Variants in TLE3 observed in about 807,000 individuals in gnomAD.
The protein encoded by TLE3 is transducin-like enhancer protein 3.
TLE3 carries 14 observed loss-of-function variants against 93.0 expected under a neutral mutation model. The observed-to-expected ratio is 0.15, with a 90% CI of 0.10 to 0.24. The LOEUF (loss-of-function observed/expected upper bound fraction) is 0.24. Ranked by LOEUF, TLE3 falls within the 10% of genes least tolerant of loss-of-function variation. The pLI, the probability that TLE3 is intolerant of heterozygous loss-of-function variation, is 1.00. For synonymous variants in TLE3, 451 were observed against 425.0 expected, an observed-to-expected ratio of 1.06 and a Z score of -0.75; for missense variants, 693 against 1,046.6, an observed-to-expected ratio of 0.66 and a Z score of 4.66.
rs1416578294 is a variant in TLE3 at position 70,048,579 on chromosome 15, G to A, written c.*1518C>T. On this transcript the variant is annotated 3_prime_UTR_variant, in exon 20 of 20. Transcript: ENST00000451782. ...ATCTTCGATATGCTACATCCATGGA[G>A]AGCCTGCCACCAGGACTCACAGCGG... 1 of 151,276 alleles carries A rather than the reference G, an allele frequency of 6.6e-6. No homozygotes were observed. Among genetic ancestry groups the A allele is most frequent in the Non-Finnish European group, 1.5e-5 (1 of 67,948 alleles). 9.4% of individuals were successfully genotyped at this position (151,276 alleles called of 1,614,324 possible).
rs1184449181 is a variant in TLE3 at position 70,056,357 on chromosome 15, G to A, written c.1269C>T (p.His423=). The part of the protein sequence containing the change: ...VSFGAVGFDP[H]PPMRATGLPS... Reference sequence around the variant, plus strand: ...GGAGGCCTGTGGCCCGCATCGGGGGGTGAGGGTCAAAACCAACCTGTAAAG... The same window carrying A: ...GGAGGCCTGTGGCCCGCATCGGGGGATGAGGGTCAAAACCAACCTGTAAAG... Residue 423 remains histidine (H), a synonymous_variant, in exon 14 of 20, where the codon CAC becomes CAT. Coordinates refer to ENST00000451782, the MANE Select transcript of TLE3 (RefSeq NM_001105192.3). 3 of 1,613,356 alleles carry A rather than the reference G, an allele frequency of 1.9e-6. No individual in the cohort carries two copies. The highest frequency in any genetic ancestry group is 2.5e-6 in the Non-Finnish European group (3 of 1,179,830).
At chr15:70,069,995 G>A (rs1184330877) in intron 6 of TLE3, among the ~76,000 whole-genome samples, 1 of 152,262 alleles carries the variant, frequency 6.6e-6, no homozygotes, top group African/African-American at 2.4e-5. Flanking sequence ...TTTCCCCATG[G>A]CAGAGAAATG....
chr15:70,085,609 C>T (rs1290242673), intron 4 of TLE3, among the ~76,000 whole-genome samples: 1 of 152,214 alleles, frequency 6.6e-6, no homozygotes, highest in African/African-American at 2.4e-5. Context: ...AAAGGGGTAT[C>T]TAGACACTTC....
chr15:70,048,123 T>A lies in TLE3; in HGVS notation c.*1974A>T, dbSNP rs2055223906. Reference sequence around the variant, plus strand: ...AGGCTCCAGAATGTGACAGCAACAGTGGCCTGGCTGTTTTCCCGGGGGGCG... The same window carrying A: ...AGGCTCCAGAATGTGACAGCAACAGAGGCCTGGCTGTTTTCCCGGGGGGCG... On this transcript the variant is annotated 3_prime_UTR_variant, in exon 20 of 20. Transcript: ENST00000451782. 8.8e-6 allele frequency: 1 copy of A among 113,558 alleles called. No homozygotes were observed. The highest frequency in any genetic ancestry group is 1.7e-5 in the Non-Finnish European group (1 of 59,918). 7.0% of individuals were successfully genotyped at this position (113,558 alleles called of 1,614,324 possible).
rs2058457725 is a variant in TLE3 at position 70,094,524 on chromosome 15, G to C, written c.234+8C>G. ...TGAAATATATTTTTAAAAGAGAAAA[G>C]CACTTACCTGCTTGTGCATTTCAAT... On this transcript the variant is annotated splice_region_variant and intron_variant, in intron 4 of 19. Coordinates refer to ENST00000451782, the MANE Select transcript of TLE3 (RefSeq NM_001105192.3). 1.3e-6 allele frequency: 2 copies of C among 1,541,998 alleles called. No individual in the cohort carries two copies. The highest frequency in any genetic ancestry group is 1.4e-5 in the African/African-American group (1 of 72,024).
intron 3 of TLE3, among the ~76,000 whole-genome samples, chr15:70,094,971 T>C (rs1010287616): frequency 6.6e-6 from 1 of 152,208 alleles, no homozygotes; most frequent in African/African-American, 2.4e-5. Context: ...AGCCGTGCCC[T>C]CTCACAAATG....
intron 19 of TLE3, chr15:70,050,834 T>G (rs1595848844): frequency 6.4e-6 from 1 of 156,634 alleles, no homozygotes; most frequent in South Asian, 1.9e-4. Flanking sequence ...GTGAGTTTGA[T>G]CGTGTATGGG....
At chr15:70,065,884 G>A in intron 7 of TLE3, 130 bp downstream of exon 7, 2 of 1,024,096 alleles carry the variant, frequency 2.0e-6, no homozygotes, top group Non-Finnish European at 2.9e-6. Context: ...GGTATCAACA[G>A]ATGACTCCAA....
At chr15:70,053,038 C>A in intron 17 of TLE3, 189 bp downstream of exon 17, 2 of 683,144 alleles carry the variant, frequency 2.9e-6, no homozygotes, top group Non-Finnish European at 4.7e-6. Flanking sequence ...TGTGTCCAAC[C>A]CCAAGGTCAT....
intron 5 of TLE3, 62 bp from the exon 6 acceptor site, chr15:70,074,669 T>G (rs2057353287): frequency 2.8e-6 from 4 of 1,426,924 alleles, no homozygotes; most frequent in Non-Finnish European, 3.8e-6. Context: ...GGTCACAGGC[T>G]GTGCAGCACT....
intron 4 of TLE3, among the ~76,000 whole-genome samples, chr15:70,088,198 G>T (rs1390551041): frequency 6.6e-6 from 1 of 152,200 alleles, no homozygotes; most frequent in African/African-American, 2.4e-5. Flanking sequence ...CAATGCTGAT[G>T]CGAATTCAGA....
intron 6 of TLE3, chr15:70,066,897 T>C: frequency 2.6e-6 from 1 of 385,790 alleles, no homozygotes; most frequent in South Asian, 1.9e-5. Context: ...CTGTGTGGCC[T>C]GGGGCAGGTT....
chr15:70,081,470 T>G (rs1359080040), intron 4 of TLE3, among the ~76,000 whole-genome samples: 4 of 152,254 alleles, frequency 2.6e-5, no homozygotes, highest in Non-Finnish European at 1.5e-5. Flanking sequence ...TCAGCAAAAC[T>G]GCGCTTCACT....
chr15:70,096,899 G>A lies in TLE3; in HGVS notation c.-101C>T, dbSNP rs564664961. The A allele has an allele frequency of 6.6e-6, 9 of 1,358,002 alleles. No homozygotes were observed. The African/African-American group carries it at 1.2e-4, about 18-fold the overall frequency. 84.1% of individuals were successfully genotyped at this position (1,358,002 alleles called of 1,614,324 possible). On this transcript the variant is annotated 5_prime_UTR_variant, in exon 1 of 20. Coordinates refer to ENST00000451782, the MANE Select transcript of TLE3 (RefSeq NM_001105192.3). Reference sequence around the variant, plus strand: ...GCCGAGCCCGAGCGGGGGGCGGCCGGGAAACCGAGAGCTCGCCCCCGGCCC... The same window carrying A: ...GCCGAGCCCGAGCGGGGGGCGGCCGAGAAACCGAGAGCTCGCCCCCGGCCC...
chr15:70,096,685 T>C lies in TLE3; in HGVS notation c.24+90A>G, dbSNP rs763566963. On this transcript the variant is annotated intron_variant, in intron 1 of 19. Transcript: ENST00000451782. ...CACACAAACACACACACCATAAAGG[T>C]AGCAACAAGCAAAATGGAGGTGCCA... 3 of 1,569,222 alleles carry C rather than the reference T, an allele frequency of 1.9e-6. No homozygotes were observed. In the African/African-American group the frequency reaches 4.1e-5, roughly 21 times the overall value.
chr15:70,094,550 G>A lies in TLE3; in HGVS notation c.216C>T (p.Asn72=). The A allele has an allele frequency of 1.3e-6, 2 of 1,557,420 alleles. No homozygotes were observed. The highest frequency in any genetic ancestry group is 1.7e-6 in the Non-Finnish European group (2 of 1,151,498). ...CACTTACCTGCTTGTGCATTTCAAT[G>A]TTCAAGCCATAGGACATCTCATAGT... ...VMYYEMSYGL[N]IEMHKQTEIA... The change falls in exon 4 of 20, where the codon AAC becomes AAT. Residue 72 remains asparagine, a synonymous_variant. Coordinates refer to ENST00000451782, the MANE Select transcript of TLE3 (RefSeq NM_001105192.3).
intron 4 of TLE3, among the ~76,000 whole-genome samples, chr15:70,078,649 C>T (rs1237416985): frequency 1.3e-5 from 2 of 152,256 alleles, no homozygotes; most frequent in South Asian, 2.1e-4. Context: ...GGAGTGTTGA[C>T]ATACACTTGG....
chr15:70,072,375 TAGG>T (rs2057230878), intron 6 of TLE3, among the ~76,000 whole-genome samples: 1 of 151,776 alleles, frequency 6.6e-6, no homozygotes, highest in Admixed American at 6.6e-5. Context: ...ACCGCAGGGG[TAGG>T]AGGAGTTGGC....
chr15:70,067,049 G>A (rs2056859526), intron 6 of TLE3: 1 of 172,192 alleles, frequency 5.8e-6, no homozygotes, highest in East Asian at 1.7e-4. Flanking sequence ...CATTTACAAA[G>A]AGTTTAAAAT....
Sources: gnomAD v4.1 joint callset for allele counts (sites outside exome capture counted in the v4.1 genomes callset) on GRCh38, gnomAD v4.1.1 for gene constraint, MANE v1.5 for transcripts, NCBI Gene and HGNC (gene_info 2026-07-23, HGNC 2026-07-21) for gene names.